POR: variants seen among roughly 807,000 people sequenced by gnomAD.
POR encodes the protein cytochrome p450 oxidoreductase.
POR carries 56 observed loss-of-function variants against 84.0 expected under a neutral mutation model. That is an observed-to-expected ratio of 0.67 (90% CI 0.54 to 0.83). The LOEUF (loss-of-function observed/expected upper bound fraction) is 0.83. POR is among the 40% of genes least tolerant of loss of function. The probability of loss-of-function intolerance (pLI) is 0.00; values close to 1 mark genes in which losing one functional copy is unlikely to be tolerated. For synonymous variants in POR, 414 were observed against 400.5 expected (o/e 1.03, Z -0.40); for missense variants, 938 against 944.3 (o/e 0.99, Z 0.09).
chr7:75,981,074 C>G lies in POR; in HGVS notation c.543C>G (p.Tyr181Ter). The G allele has an allele frequency of 6.3e-7, 1 of 1,576,210 alleles. No homozygotes were observed. The highest frequency in any genetic ancestry group is 1.3e-5 in the African/African-American group (1 of 74,206). The change falls in exon 6 of 16, where the codon TAC becomes TAG. Residue 181 changes from tyrosine (Y) to a stop codon, truncating the protein, a stop_gained. Transcript: ENST00000461988. LOFTEE classifies it high-confidence loss of function. The stretch of plus-strand genomic sequence containing the variant: ...TGTTTGGTCTTGGGAACAAGACCTA[C>G]GAGCACTTCAATGCCATGGGCAAGT...
chr7:75,973,699 T>TTTTTTA (rs58991099), intron 3 of POR, among the ~76,000 whole-genome samples: 1 of 136,920 alleles, frequency 7.3e-6, no homozygotes, highest in Non-Finnish European at 1.6e-5. Context: ...TTTTTTTTTT[T>TTTTTTA]GAGACAGAGT....
intron 2 of POR, among the ~76,000 whole-genome samples, chr7:75,955,548 A>G (rs1484679340): frequency 6.6e-6 from 1 of 152,202 alleles, no homozygotes; most frequent in African/African-American, 2.4e-5. Flanking sequence ...CTGCCAGGTC[A>G]GGTCTGAGCC....
At chr7:75,964,348 C>G (rs1256142197) in intron 2 of POR, among the ~76,000 whole-genome samples, 3 of 152,092 alleles carry the variant, frequency 2.0e-5, no homozygotes, top group African/African-American at 7.2e-5. Context: ...GCTCCTGTCC[C>G]CCAGGCTGAA....
intron 1 of POR, among the ~76,000 whole-genome samples, chr7:75,916,278 C>T (rs1052101611): frequency 6.6e-6 from 1 of 152,190 alleles, no homozygotes; most frequent in Admixed American, 6.5e-5. Context: ...TTATGGAACC[C>T]TCTGGGGGAT....
At chr7:75,934,956 G>A (rs1807594752) in intron 1 of POR, among the ~76,000 whole-genome samples, 1 of 152,152 alleles carries the variant, frequency 6.6e-6, no homozygotes, top group Admixed American at 6.5e-5. Context: ...AGGAATGTGG[G>A]ACTGGAGGCC....
At position 75,961,145 on chromosome 7, in the gene POR, A is replaced by C. The variant is rs1787918179; in HGVS notation, c.188+6965A>C. 2.0e-5 allele frequency among the ~76,000 whole-genome samples: 3 copies of C among 151,944 alleles called. No individual in the cohort carries two copies. The South Asian group carries it at 6.2e-4, about 32-fold the overall frequency. Reference sequence around the variant, plus strand: ...CTACTCGGGAGGCTGAGGCAGGAGAATTGCTTGAATCCAGGAGGTGGAAGT... The same window carrying C: ...CTACTCGGGAGGCTGAGGCAGGAGACTTGCTTGAATCCAGGAGGTGGAAGT... On this transcript the variant is annotated intron_variant, in intron 2 of 15. Coordinates refer to ENST00000461988, the MANE Select transcript of POR (RefSeq NM_000941.3).
In POR at chr7:75,981,058, T is replaced by C; in HGVS notation, c.527T>C (p.Leu176Pro). The change falls in exon 6 of 16, where the codon CTT becomes CCT. Residue 176 changes from leucine to proline, a missense_variant. By Grantham distance (98) the Leu-to-Pro change is moderately conservative (BLOSUM62 -3). Transcript: ENST00000461988. ...CCTGTGTCCACGCAGGTGTTTGGTC[T>C]TGGGAACAAGACCTACGAGCACTTC... is the stretch of plus-strand genomic sequence containing the variant. The C allele has an allele frequency of 6.3e-7, 1 of 1,575,092 alleles. No individual in the cohort carries two copies. The highest frequency in any genetic ancestry group is 8.6e-7 in the Non-Finnish European group (1 of 1,160,048).
chr7:75,935,311 A>C (rs1203436267), intron 1 of POR, among the ~76,000 whole-genome samples: 1 of 152,056 alleles, frequency 6.6e-6, no homozygotes. Context: ...CATTGGCGCT[A>C]TCTCAGTTCA....
chr7:75,951,726 T>C (rs184288413), intron 1 of POR, among the ~76,000 whole-genome samples: 5 of 152,354 alleles, frequency 3.3e-5, no homozygotes, highest in Admixed American at 2.6e-4. Flanking sequence ...CAGTCGGTCA[T>C]ATCCATGATT....
rs140843146 is a variant in POR at position 75,934,757 on chromosome 7, G to A, written c.-4-19232G>A. Among the ~76,000 whole-genome samples the A allele has an allele frequency of 6.6e-3, 1,012 of 152,294 alleles. 8 individuals are homozygous for A. Among genetic ancestry groups the A allele is most frequent in the African/African-American group, 0.02 (844 of 41,548 alleles). On this transcript the variant is annotated intron_variant, in intron 1 of 15. Transcript: ENST00000461988. The stretch of plus-strand genomic sequence containing the variant: ...TCCAGCCTTGGCTCAAAGGGGCCCA[G>A]ATACAGCTCAGGCTGCCACACTAGA...
Position 75,979,437 on chromosome 7 carries a change from T to C in POR, c.238-14T>C. On this transcript the variant is annotated splice_polypyrimidine_tract_variant and intron_variant, in intron 3 of 15. Transcript: ENST00000461988. The stretch of plus-strand genomic sequence containing the variant: ...GTCTGTGGCCCTCACCAACCCTGTG[T>C]CTGCCTTCCTTAGGGGAGGAACATC... 1 of 1,611,758 alleles carries C rather than the reference T, an allele frequency of 6.2e-7. No individual in the cohort carries two copies. Among genetic ancestry groups the C allele is most frequent in the Non-Finnish European group, 8.5e-7 (1 of 1,179,160 alleles).
intron 1 of POR, among the ~76,000 whole-genome samples, chr7:75,952,588 T>G (rs1246643678): frequency 3.8e-5 from 5 of 130,702 alleles, no homozygotes; most frequent in African/African-American, 9.1e-5. Context: ...AGGCAGAGGG[T>G]CTCCTCACTT....
intron 2 of POR, among the ~76,000 whole-genome samples, chr7:75,964,569 A>G (rs1355930449): frequency 6.6e-6 from 1 of 152,144 alleles, no homozygotes; most frequent in African/African-American, 2.4e-5. Flanking sequence ...CAGCCTTCCA[A>G]AGTGTTGGGA....
At position 75,979,576 on chromosome 7, in the gene POR, C is replaced by A. The variant is rs782486233; in HGVS notation, c.363C>A (p.Asp121Glu). The A allele has an allele frequency of 6.2e-7, 1 of 1,613,264 alleles. No homozygotes were observed. The highest frequency in any genetic ancestry group is 1.1e-5 in the South Asian group (1 of 91,076). ...TGTCAGCGGACCCTGAGGAGTATGA[C>A]CTGGTAAGCTGCCACCGCGTGCTGG... Residue 121 changes from aspartate (D) to glutamate (E), a missense_variant, in exon 4 of 16, where the codon GAC (aspartate) becomes GAA (glutamate). Asp to Glu is a conservative substitution (Grantham distance 45). Coordinates refer to ENST00000461988, the MANE Select transcript of POR (RefSeq NM_000941.3).
intron 2 of POR, among the ~76,000 whole-genome samples, chr7:75,968,963 C>T (rs1032095882): frequency 1.3e-5 from 2 of 152,216 alleles, no homozygotes; most frequent in Admixed American, 6.5e-5. Context: ...CCCCGCTTCC[C>T]GTGGGGCTGT....
chr7:75,984,762 G>A lies in POR; in HGVS notation c.1067-15G>A, dbSNP rs543533893. 2 of 1,611,784 alleles carry A rather than the reference G, an allele frequency of 1.2e-6. No individual in the cohort carries two copies. Among genetic ancestry groups the A allele is most frequent in the African/African-American group, 1.3e-5 (1 of 75,026 alleles). ...CGGCCGCCTACCCCAAGTCCTGCCT[G>A]TCTCTTCCCTGCAGAGGAGTCCAAC... On this transcript the variant is annotated splice_polypyrimidine_tract_variant and intron_variant, in intron 10 of 15. Coordinates refer to ENST00000461988, the MANE Select transcript of POR (RefSeq NM_000941.3).
intron 1 of POR, among the ~76,000 whole-genome samples, chr7:75,941,489 C>G (rs239959): frequency 0.44 from 66,816 of 152,020 alleles, 19,509 homozygotes; most frequent in African/African-American, 0.84. Context: ...ACCAGAGCCT[C>G]CGGCATCTGT....
rs534057575 is a variant in POR at position 75,967,552 on chromosome 7, T to C, written c.189-4861T>C. Among the ~76,000 whole-genome samples the C allele has an allele frequency of 1.1e-4, 17 of 152,218 alleles. No homozygotes were observed. In the South Asian group the frequency reaches 3.3e-3, roughly 30 times the overall value. On this transcript the variant is annotated intron_variant, in intron 2 of 15. Transcript: ENST00000461988. ...TGTGGCGCCCTGGCAGTGGGATCAG[T>C]GTGGCTTCCTTTATGGAGTGCAGCC...
chr7:75,968,179 C>CAT (rs782363689), intron 2 of POR: 2 of 461,664 alleles, frequency 4.3e-6, no homozygotes, highest in Non-Finnish European at 8.8e-6. Flanking sequence ...TGCCCCTTGG[C>CAT]CAGGGGACGC....
Sources: gnomAD v4.1 joint callset for allele counts (sites outside exome capture counted in the v4.1 genomes callset) on GRCh38, gnomAD v4.1.1 for gene constraint, MANE v1.5 for transcripts, NCBI Gene and HGNC (gene_info 2026-07-23, HGNC 2026-07-21) for gene names.